The following NLRP3 variants were observed in gnomAD, a reference collection of about 807,000 sequenced individuals.
NLRP3 encodes the protein NACHT, LRR and PYD domains-containing protein 3.
In NLRP3, 48 loss-of-function variants were observed where a neutral mutation model predicts 91.3. That is an observed-to-expected ratio of 0.53 (90% confidence interval 0.42 to 0.67). NLRP3 has a LOEUF of 0.67. Among genes scored for constraint, NLRP3 ranks in the 30% least tolerant of loss-of-function variants. The probability of loss-of-function intolerance (pLI) is 0.00; values close to 1 mark genes in which losing one functional copy is unlikely to be tolerated. For synonymous variants in NLRP3, 561 were observed against 507.9 expected (o/e 1.10, Z -1.41); for missense variants, 982 against 1,276.9 (o/e 0.77, Z 3.52).
intron 7 of NLRP3, among the ~76,000 whole-genome samples, chr1:247,442,236 G>T (rs1275288831): frequency 1.3e-5 from 2 of 152,160 alleles, no homozygotes; most frequent in African/African-American, 2.4e-5. Context: ...TTTCCTGCTG[G>T]TCATCTGTTC....
rs200199289 is a variant in NLRP3, at chr1:247,429,611, G to C, written c.2177G>C (p.Ser726Thr). Residue 726 changes from serine (S) to threonine (T), a missense_variant, in exon 5 of 10, where the codon AGT (serine) becomes ACT (threonine). By Grantham distance (58) the Ser-to-Thr change is moderately conservative. Coordinates refer to ENST00000336119, the MANE Select transcript of NLRP3 (RefSeq NM_001243133.2). ...HGLVNSHLTSSFCRGLFSVLS... is the reference protein window; with the variant it reads ...HGLVNSHLTSTFCRGLFSVLS... ...TTGGTGAACAGCCACCTCACTTCCA[G>C]TTTTTGCCGGGGCCTCTTTTCAGTT... 13 of 1,614,184 alleles carry C rather than the reference G, an allele frequency of 8.1e-6. No homozygotes were observed. In the South Asian group the frequency reaches 1.4e-4, roughly 18 times the overall value.
intron 4 of NLRP3, among the ~76,000 whole-genome samples, chr1:247,426,783 G>A (rs1231532902): frequency 6.6e-6 from 1 of 152,160 alleles, no homozygotes; most frequent in Non-Finnish European, 1.5e-5. Flanking sequence ...AGCACAAGGG[G>A]ACGAACCTGT....
Position 247,424,914 on chromosome 1 carries a change from A to T in NLRP3, c.1465A>T (p.Asn489Tyr). Residue 489 changes from asparagine (N) to tyrosine (Y), a missense_variant, in exon 4 of 10, where the codon AAT becomes TAT. By Grantham distance (143) the Asn-to-Tyr change is moderately radical. This residue lies in a region of NLRP3 where 548 missense variants were observed against 713.7 expected (regional missense o/e 0.77). Coordinates refer to ENST00000336119, the MANE Select transcript of NLRP3 (RefSeq NM_001243133.2). The surrounding 1 kb of genome is among the most constrained non-coding windows in gnomAD (Gnocchi z 8.1). ...CCTGTTTGAGGAGTCCGACCTCAGG[A>T]ATCATGGACTGCAGAAGGCGGATGT... ...KILFEESDLR[N>Y]HGLQKADVSA... 2 of 1,612,670 alleles carry T rather than the reference A, an allele frequency of 1.2e-6. No homozygotes were observed. Among genetic ancestry groups the T allele is most frequent in the Non-Finnish European group, 1.7e-6 (2 of 1,180,026 alleles).
chr1:247,419,257 C>T (rs747589471), intron 2 of NLRP3, among the ~76,000 whole-genome samples, 180 bp downstream of exon 2: 9 of 151,640 alleles, frequency 5.9e-5, no homozygotes, highest in Non-Finnish European at 1.0e-4. Context: ...CGGGTTCAAG[C>T]GATTTTCCTG....
At chr1:247,423,817 T>G in intron 3 of NLRP3, 30 bp from the exon 4 acceptor site, 1 of 1,602,948 alleles carries the variant, frequency 6.2e-7, no homozygotes, top group African/African-American at 1.3e-5. Flanking sequence ...GTGTGTATAC[T>G]TTCCCCCTAA....
At chr1:247,435,096 A>T (rs1477115640) in intron 6 of NLRP3, among the ~76,000 whole-genome samples, 3 of 152,150 alleles carry the variant, frequency 2.0e-5, no homozygotes, top group Non-Finnish European at 4.4e-5. Flanking sequence ...TACTAAAAAT[A>T]CAAAAATTAG....
chr1:247,416,308 T>G (rs1378986556), intron 1 of NLRP3, 115 bp downstream of exon 1: 1 of 152,404 alleles, frequency 6.6e-6, no homozygotes, highest in Non-Finnish European at 1.5e-5. Flanking sequence ...TCTTCTGGCG[T>G]CTCCAAGGTT....
At chr1:247,439,289 C>T (rs1664040386) in intron 7 of NLRP3, among the ~76,000 whole-genome samples, 1 of 152,164 alleles carries the variant, frequency 6.6e-6, no homozygotes, top group Non-Finnish European at 1.5e-5. Context: ...GCTTAAACAA[C>T]AGAAATTTAT....
chr1:247,423,843 G>T lies in NLRP3; in HGVS notation c.398-4G>T, dbSNP rs776409846. On this transcript the variant is annotated splice_polypyrimidine_tract_variant and splice_region_variant and intron_variant, in intron 3 of 9. Coordinates refer to ENST00000336119, the MANE Select transcript of NLRP3 (RefSeq NM_001243133.2). ...TTCCCCCTAACTTCCTGTCTTTGCCGTAGATTACCGTAAGAAGTACAGAAA... is the reference window on the plus strand; with the variant it reads ...TTCCCCCTAACTTCCTGTCTTTGCCTTAGATTACCGTAAGAAGTACAGAAA... 26 of 1,613,102 alleles carry T rather than the reference G, an allele frequency of 1.6e-5. No individual in the cohort carries two copies.
chr1:247,421,304 C>G (rs971664316), intron 2 of NLRP3, among the ~76,000 whole-genome samples: 1 of 151,976 alleles, frequency 6.6e-6, no homozygotes, highest in African/African-American at 2.4e-5. Context: ...ACTGGGGAAA[C>G]AGACAGCAGT....
Position 247,448,728 on chromosome 1 carries a change from G to T in NLRP3, c.*224G>T, listed in dbSNP as rs1572240706. The T allele has an allele frequency of 1.0e-5, 6 of 597,004 alleles. No individual in the cohort carries two copies. In the East Asian group the frequency reaches 1.7e-4, roughly 17 times the overall value. 37.0% of individuals were successfully genotyped at this position (597,004 alleles called of 1,614,324 possible). A position where few individuals can be genotyped will look rare whatever the true frequency, so the allele number is the denominator to read the frequency against. On this transcript the variant is annotated 3_prime_UTR_variant, in exon 10 of 10. Transcript: ENST00000336119. ...CACCAGGACAATGACAGCATCGGGT[G>T]TTGTTGTCATCACAGCGCCTCAGTT...
At chr1:247,432,529 G>A (rs1463663103) in intron 5 of NLRP3, among the ~76,000 whole-genome samples, 1 of 152,166 alleles carries the variant, frequency 6.6e-6, no homozygotes, top group Non-Finnish European at 1.5e-5. Flanking sequence ...ATGGAGACTG[G>A]TTGTTTGGGA....
intron 7 of NLRP3, among the ~76,000 whole-genome samples, chr1:247,443,125 A>C (rs2103226643): frequency 1.3e-5 from 2 of 152,126 alleles, no homozygotes; most frequent in African/African-American, 4.8e-5. Flanking sequence ...GGCTTTCACC[A>C]TGTTGGCCAG....
At chr1:247,445,239 C>T (rs914980665) in intron 9 of NLRP3, among the ~76,000 whole-genome samples, 36 of 152,078 alleles carry the variant, frequency 2.4e-4, no homozygotes, top group Middle Eastern at 3.4e-3. Context: ...CTTGCTCTGT[C>T]GCCCAGGCTG....
intron 7 of NLRP3, among the ~76,000 whole-genome samples, chr1:247,442,639 C>T (rs2103224051): frequency 6.6e-6 from 1 of 152,256 alleles, no homozygotes; most frequent in Non-Finnish European, 1.5e-5. Flanking sequence ...GGTCTGGATC[C>T]CTCCCCACCA....
intron 5 of NLRP3, 25 bp downstream of exon 5, chr1:247,429,780 T>C (rs376635168): frequency 1.2e-6 from 2 of 1,612,462 alleles, no homozygotes; most frequent in South Asian, 2.2e-5. Context: ...ATGTGATCTG[T>C]GTGAGTGCAA....
intron 5 of NLRP3, among the ~76,000 whole-genome samples, chr1:247,432,558 C>T (rs1362564486): frequency 6.6e-6 from 1 of 152,124 alleles, no homozygotes; most frequent in African/African-American, 2.4e-5. Context: ...CTTATTTCTC[C>T]AACTTCATGC....
intron 4 of NLRP3, among the ~76,000 whole-genome samples, chr1:247,426,140 A>G (rs1490108188): frequency 1.3e-5 from 2 of 152,234 alleles, no homozygotes; most frequent in African/African-American, 4.8e-5. Context: ...TCATGAATGC[A>G]GTCTGAGAAA....
rs749303717 is a variant in NLRP3, at chr1:247,419,157, TATA to T, written c.277+81_277+83del. On this transcript the variant is annotated intron_variant, in intron 2 of 9. Transcript: ENST00000336119. The stretch of plus-strand genomic sequence containing the variant: ...AATTTTCCATCTTTATATATATATA[TATA>T]TATATTTTTTTTTGAGACGGAGTTG... 2,278 of 934,618 alleles carry T rather than the reference TATA, an allele frequency of 2.4e-3. 10 individuals carry two copies. The highest frequency in any genetic ancestry group is 6.0e-3 in the South Asian group (258 of 42,678). 57.9% of individuals were successfully genotyped at this position (934,618 alleles called of 1,614,324 possible).
Sources: gnomAD v4.1 joint callset for allele counts (sites outside exome capture counted in the v4.1 genomes callset) on GRCh38, gnomAD v4.1.1 for gene constraint, gnomAD v4.1.1 regional missense constraint, Gnocchi (gnomAD v3.1) non-coding constraint, MANE v1.5 for transcripts, NCBI Gene and HGNC (gene_info 2026-07-23, HGNC 2026-07-21) for gene names.